B3GAT2: variants seen among roughly 807,000 people sequenced by gnomAD.
The protein encoded by B3GAT2 is galactosylgalactosylxylosylprotein 3-beta-glucuronosyltransferase 2.
A neutral mutation model predicts 27.8 loss-of-function variants in B3GAT2; 26 were observed. The ratio of observed to expected loss-of-function variants is 0.93; its 90% confidence interval spans 0.68 to 1.30. The LOEUF is 1.30. Ranked by LOEUF, B3GAT2 falls within the 50% of genes most tolerant of loss-of-function variation. B3GAT2 has a pLI of 0.00. For missense variants in B3GAT2, 458 were observed against 459.0 expected (o/e 1.00, Z 0.02); for synonymous variants, 218 against 195.1 (o/e 1.12, Z -0.98).
At chr6:70,955,743 G>T (rs901180203) in intron 1 of B3GAT2, 96 bp downstream of exon 1, 3 of 1,351,944 alleles carry the variant, frequency 2.2e-6, no homozygotes, top group Non-Finnish European at 2.0e-6. Context: ...GAACTCAAAA[G>T]TGCACCCGGA....
chr6:70,870,651 CAAAA>C (rs1771919463), intron 2 of B3GAT2, among the ~76,000 whole-genome samples: 1 of 151,504 alleles, frequency 6.6e-6, no homozygotes, highest in South Asian at 2.1e-4. Context: ...AACAAACAAA[CAAAA>C]AAACAGTTAT....
chr6:70,923,052 A>C (rs1772896997), intron 1 of B3GAT2, among the ~76,000 whole-genome samples: 1 of 152,186 alleles, frequency 6.6e-6, no homozygotes. Flanking sequence ...CATATAAAGG[A>C]CTATGGTTCT....
intron 2 of B3GAT2, among the ~76,000 whole-genome samples, chr6:70,866,957 T>C (rs1397142925): frequency 1.3e-5 from 2 of 152,038 alleles, no homozygotes; most frequent in Non-Finnish European, 2.9e-5. Context: ...ATTTAAATTG[T>C]ACAAAATATG....
rs569520907 is a variant in B3GAT2 at position 70,860,259 on chromosome 6, C to T, written c.*1404G>A. On this transcript the variant is annotated 3_prime_UTR_variant, in exon 4 of 4. Coordinates refer to ENST00000230053, the MANE Select transcript of B3GAT2 (RefSeq NM_080742.3). ...GTGCAACCCCTACTGCAGGTTTTGG[C>T]CAGCCCTCCAGCACAACAGCAGGAT... 1.9e-6 allele frequency: 3 copies of T among 1,613,562 alleles called. No individual in the cohort carries two copies. The highest frequency in any genetic ancestry group is 2.7e-5 in the African/African-American group (2 of 75,012).
chr6:70,940,610 C>T (rs1009185251), intron 1 of B3GAT2, among the ~76,000 whole-genome samples: 4 of 152,050 alleles, frequency 2.6e-5, no homozygotes, highest in Non-Finnish European at 4.4e-5. Context: ...CCACACTGGG[C>T]CCTGGGATTA....
chr6:70,930,677 C>T (rs1773047184), intron 1 of B3GAT2, among the ~76,000 whole-genome samples: 1 of 152,128 alleles, frequency 6.6e-6, no homozygotes, highest in Non-Finnish European at 1.5e-5. Flanking sequence ...ATTAAAAAGT[C>T]AGGAAACAAC....
chr6:70,864,780 C>T (rs896191995), intron 2 of B3GAT2, among the ~76,000 whole-genome samples: 2 of 152,182 alleles, frequency 1.3e-5, no homozygotes, highest in African/African-American at 4.8e-5. Flanking sequence ...CATTGATTTC[C>T]AACCTAAGAT....
Position 70,894,278 on chromosome 6 carries a change from A to G in B3GAT2, c.592-6T>C. The G allele has an allele frequency of 6.4e-7, 1 of 1,569,600 alleles. No homozygotes were observed. Among genetic ancestry groups the G allele is most frequent in the Non-Finnish European group, 8.6e-7 (1 of 1,157,984 alleles). Reference sequence around the variant, plus strand: ...ACCTTGCGGGTGGTTCGCATCTATAAAAAGGGAAAAGACATGTGTTTTAAG... The same window carrying G: ...ACCTTGCGGGTGGTTCGCATCTATAGAAAGGGAAAAGACATGTGTTTTAAG... On this transcript the variant is annotated splice_polypyrimidine_tract_variant and splice_region_variant and intron_variant, in intron 1 of 3. Transcript: ENST00000230053.
In B3GAT2 at chr6:70,861,108, T is replaced by C. The variant is rs1234372930; in HGVS notation, c.*555A>G. 1.7e-5 allele frequency: 3 copies of C among 174,398 alleles called. No individual in the cohort carries two copies. The highest frequency in any genetic ancestry group is 3.6e-5 in the Non-Finnish European group (3 of 82,752). The allele number at this position is 174,398 out of a possible 1,614,324, so 10.8% of individuals were successfully genotyped here. On this transcript the variant is annotated 3_prime_UTR_variant, in exon 4 of 4. Transcript: ENST00000230053. The stretch of plus-strand genomic sequence containing the variant: ...GTTTATGACAGTAATTGTGTTTACA[T>C]TTTATGGTGCCTAGTATTGACAAAA...
rs975886516 is a variant in B3GAT2 at position 70,934,483 on chromosome 6, A to G, written c.591+21356T>C. On this transcript the variant is annotated intron_variant, in intron 1 of 3. Transcript: ENST00000230053. ...ATATAACCTCCAGGGCACCAAACAA[A>G]GGTAATCAGAAATATTGCTATCTTT... Among the ~76,000 whole-genome samples the G allele has an allele frequency of 3.3e-5, 5 of 152,108 alleles. No individual in the cohort carries two copies. The South Asian group carries it at 1.0e-3, about 32-fold the overall frequency.
chr6:70,921,994 T>C (rs573856563), intron 1 of B3GAT2, among the ~76,000 whole-genome samples: 2 of 152,232 alleles, frequency 1.3e-5, no homozygotes, highest in African/African-American at 4.8e-5. Flanking sequence ...CCCAGTATGC[T>C]GGTAACAGTA....
intron 2 of B3GAT2, among the ~76,000 whole-genome samples, chr6:70,863,049 C>T (rs536083463): frequency 6.6e-6 from 1 of 152,286 alleles, no homozygotes; most frequent in Non-Finnish European, 1.5e-5. Context: ...TTGAAGCACT[C>T]TACAATTGTT....
At chr6:70,895,995 G>A (rs189494865) in intron 1 of B3GAT2, among the ~76,000 whole-genome samples, 3 of 152,146 alleles carry the variant, frequency 2.0e-5, no homozygotes, top group Admixed American at 1.3e-4. Context: ...ACCCTTATAA[G>A]GTTATTTTAT....
At chr6:70,945,732 A>G (rs79669017) in intron 1 of B3GAT2, among the ~76,000 whole-genome samples, 3 of 148,954 alleles carry the variant, frequency 2.0e-5, no homozygotes, top group African/African-American at 7.5e-5. Context: ...TGCCACAAAG[A>G]TACTCCTCGA....
intron 1 of B3GAT2, among the ~76,000 whole-genome samples, chr6:70,923,953 A>AT (rs1357661279): frequency 6.6e-6 from 1 of 152,078 alleles, no homozygotes; most frequent in Non-Finnish European, 1.5e-5. Context: ...AGTATCTGAC[A>AT]TTTTTCAGAG....
At chr6:70,878,354 G>A (rs1004390350) in intron 2 of B3GAT2, among the ~76,000 whole-genome samples, 3 of 152,154 alleles carry the variant, frequency 2.0e-5, no homozygotes, top group African/African-American at 7.2e-5. Flanking sequence ...CACAATGGCT[G>A]ATGAATGCTG....
At chr6:70,927,075 T>A (rs1772974745) in intron 1 of B3GAT2, among the ~76,000 whole-genome samples, 1 of 152,234 alleles carries the variant, frequency 6.6e-6, no homozygotes, top group South Asian at 2.1e-4. Flanking sequence ...CCAGCCAAAC[T>A]AAGCTTCATA....
intron 2 of B3GAT2, among the ~76,000 whole-genome samples, chr6:70,872,480 G>A (rs1250584628): frequency 3.4e-5 from 5 of 147,254 alleles, no homozygotes; most frequent in African/African-American, 1.2e-4. Context: ...TATTTTGTCT[G>A]GTGTTCATAT....
intron 2 of B3GAT2, among the ~76,000 whole-genome samples, chr6:70,893,025 C>T (rs1438129269): frequency 2.0e-5 from 3 of 152,136 alleles, no homozygotes; most frequent in Non-Finnish European, 4.4e-5. Context: ...TGGCTGAGGG[C>T]TGGTGCTGTG....
Sources: allele counts gnomAD v4.1 joint callset (sites outside exome capture counted in the v4.1 genomes callset), GRCh38; gene constraint gnomAD v4.1.1; transcripts MANE v1.5; gene names NCBI Gene and HGNC (gene_info 2026-07-23, HGNC 2026-07-21).